Variants in APCDD1L observed in about 807,000 individuals in gnomAD.
APCDD1L encodes the protein APC down-regulated 1 like.
A neutral mutation model predicts 24.2 loss-of-function variants in APCDD1L; 21 were observed. The ratio of observed to expected loss-of-function variants is 0.87; its 90% CI spans 0.61 to 1.25. The LOEUF is 1.25. Ranked by LOEUF, APCDD1L falls within the 50% of genes most tolerant of loss-of-function variation. The pLI is 0.00. For synonymous variants in APCDD1L, 321 were observed against 323.6 expected (o/e 0.99, Z 0.09); for missense variants, 704 against 711.7 (o/e 0.99, Z 0.12).
intron 3 of APCDD1L, among the ~76,000 whole-genome samples, chr20:58,466,596 C>T (rs796834148): frequency 2.0e-5 from 3 of 152,374 alleles, no homozygotes; most frequent in African/African-American, 7.2e-5. Context: ...CGGCCTGACC[C>T]GTGCTAGGTG....
chr20:58,487,557 A>C (rs1415988060), intron 1 of APCDD1L, among the ~76,000 whole-genome samples: 1 of 152,242 alleles, frequency 6.6e-6, no homozygotes, highest in Non-Finnish European at 1.5e-5. Flanking sequence ...CGAAACCCCT[A>C]GCTATGTGTT....
At chr20:58,513,647 T>C (rs1990677025) in intron 1 of APCDD1L, among the ~76,000 whole-genome samples, 2 of 152,252 alleles carry the variant, frequency 1.3e-5, no homozygotes, top group African/African-American at 4.8e-5. Context: ...ACCCCGGGGT[T>C]CTCGGCTGCC....
rs565363391 is a variant in APCDD1L, at chr20:58,460,332, A to C, written c.*458T>G. ...TAATAATCTTTAAACAACAACCTAC[A>C]GACATGGCAGAACTGTAGGCCTCGT... On this transcript the variant is annotated 3_prime_UTR_variant, in exon 4 of 4. Transcript: ENST00000371149. The surrounding 1 kb of genome is among the most constrained non-coding windows in gnomAD (Gnocchi z 4.2). 2 of 157,638 alleles carry C rather than the reference A, an allele frequency of 1.3e-5. No homozygotes were observed. The highest frequency in any genetic ancestry group is 6.5e-5 in the Admixed American group (1 of 15,436). 9.8% of individuals were successfully genotyped at this position (157,638 alleles called of 1,614,324 possible).
intron 1 of APCDD1L, among the ~76,000 whole-genome samples, chr20:58,495,284 G>A (rs1303987896): frequency 6.6e-6 from 1 of 152,230 alleles, no homozygotes; most frequent in Non-Finnish European, 1.5e-5. Context: ...AGTTTTAAGA[G>A]TTTCAAGACG....
At chr20:58,489,400 A>G (rs931951850) in intron 1 of APCDD1L, among the ~76,000 whole-genome samples, 3 of 151,936 alleles carry the variant, frequency 2.0e-5, no homozygotes, top group African/African-American at 7.3e-5. Flanking sequence ...AAAAAAAATT[A>G]GGGTCAGGTG....
At chr20:58,473,599 TCCC>T (rs11086645) in intron 1 of APCDD1L, among the ~76,000 whole-genome samples, 2 of 151,372 alleles carry the variant, frequency 1.3e-5, no homozygotes, top group Non-Finnish European at 2.9e-5. Flanking sequence ...TTTCTTTGCT[TCCC>T]CCCCCACCCC....
intron 3 of APCDD1L, among the ~76,000 whole-genome samples, chr20:58,464,356 T>G (rs1019685016): frequency 2.6e-5 from 4 of 152,110 alleles, no homozygotes; most frequent in Admixed American, 6.5e-5. Flanking sequence ...AGCAGCAAAG[T>G]TTTAAGGTGA....
At chr20:58,493,971 A>G (rs532235750) in intron 1 of APCDD1L, among the ~76,000 whole-genome samples, 1 of 152,368 alleles carries the variant, frequency 6.6e-6, no homozygotes, top group African/African-American at 2.4e-5. Flanking sequence ...CAATTCACAC[A>G]TATTTTATAT....
chr20:58,468,103 T>A (rs113597701), intron 2 of APCDD1L, among the ~76,000 whole-genome samples: 1 of 152,076 alleles, frequency 6.6e-6, no homozygotes, highest in Non-Finnish European at 1.5e-5. Flanking sequence ...CCTGACCAGG[T>A]CTCATCCTTG....
At chr20:58,463,063 A>C (rs1989641503) in intron 3 of APCDD1L, among the ~76,000 whole-genome samples, 1 of 148,562 alleles carries the variant, frequency 6.7e-6, no homozygotes, top group Non-Finnish European at 1.5e-5. Flanking sequence ...AATTGCTTGA[A>C]TCAGGGAGGC....
chr20:58,507,312 G>T (rs2123193326), intron 1 of APCDD1L, among the ~76,000 whole-genome samples: 1 of 152,244 alleles, frequency 6.6e-6, no homozygotes, highest in Admixed American at 6.5e-5. Flanking sequence ...TCTTTCTTTT[G>T]AAAATAGCCC....
At chr20:58,488,801 A>T (rs1326902656) in intron 1 of APCDD1L, among the ~76,000 whole-genome samples, 1 of 152,200 alleles carries the variant, frequency 6.6e-6, no homozygotes, top group Non-Finnish European at 1.5e-5. Flanking sequence ...ATAACCGTCC[A>T]ATTTAAGAAG....
chr20:58,467,147 A>T lies in APCDD1L; in HGVS notation c.700T>A (p.Tyr234Asn). 1.2e-6 allele frequency: 2 copies of T among 1,608,236 alleles called. No individual in the cohort carries two copies. The highest frequency in any genetic ancestry group is 2.2e-5 in the South Asian group (2 of 91,032). Residue 234 changes from tyrosine to asparagine, a missense_variant, in exon 3 of 4, where the codon TAC becomes AAC. Coordinates refer to ENST00000371149, the MANE Select transcript of APCDD1L (RefSeq NM_153360.3). This position sits in a 1 kb window ranked among gnomAD's most constrained non-coding sequence, Gnocchi z 5.9. ...GGGCGCTGGTAGCCCGTGGGCCGGTAGTGCCGCCTCTCCGCCGGGTCGGTG... is the reference window on the plus strand; with the variant it reads ...GGGCGCTGGTAGCCCGTGGGCCGGTTGTGCCGCCTCTCCGCCGGGTCGGTG... ...IHTDPAERRH[Y>N]RPTGYQRPLQ...
intron 1 of APCDD1L, among the ~76,000 whole-genome samples, chr20:58,479,303 T>A (rs1486152658): frequency 6.6e-6 from 1 of 152,224 alleles, no homozygotes; most frequent in African/African-American, 2.4e-5. Flanking sequence ...TCTTCAGAAC[T>A]TGGTGTATAT....
chr20:58,485,067 C>A (rs2123161099), intron 1 of APCDD1L, among the ~76,000 whole-genome samples: 1 of 150,940 alleles, frequency 6.6e-6, no homozygotes, highest in South Asian at 2.1e-4. Context: ...ATGGAAAAGA[C>A]AAAATAGTAT....
intron 1 of APCDD1L, among the ~76,000 whole-genome samples, chr20:58,493,109 A>G (rs1990255482): frequency 6.6e-6 from 1 of 152,222 alleles, no homozygotes; most frequent in South Asian, 2.1e-4. Context: ...CACACAATGC[A>G]AGCATGCACA....
chr20:58,504,007 G>A (rs1412865134), intron 1 of APCDD1L, among the ~76,000 whole-genome samples: 1 of 152,216 alleles, frequency 6.6e-6, no homozygotes, highest in Non-Finnish European at 1.5e-5. Flanking sequence ...CACCTCAGGT[G>A]GAGATGAAGC....
chr20:58,483,533 G>A (rs1319482353), intron 1 of APCDD1L, among the ~76,000 whole-genome samples: 1 of 152,184 alleles, frequency 6.6e-6, no homozygotes, highest in East Asian at 1.9e-4. Context: ...TGAGGCTAAG[G>A]CACAGAGGGA....
rs1990291033 is a variant in APCDD1L, at chr20:58,494,849, AC to A, written c.49+19809del. On this transcript the variant is annotated intron_variant, in intron 1 of 3. Coordinates refer to ENST00000371149, the MANE Select transcript of APCDD1L (RefSeq NM_153360.3). The surrounding 1 kb of genome is among the most constrained non-coding windows in gnomAD (Gnocchi z 4.8). Reference sequence around the variant, plus strand: ...AGTCCCTTGGCCACACCCCACTTGTACCCACCCTGGGGCCTGTGCACTTGCC... The same window carrying A: ...AGTCCCTTGGCCACACCCCACTTGTACCACCCTGGGGCCTGTGCACTTGCC... 6.6e-6 allele frequency among the ~76,000 whole-genome samples: 1 copy of A among 151,988 alleles called. No individual in the cohort carries two copies. The highest frequency in any genetic ancestry group is 1.5e-5 in the Non-Finnish European group (1 of 68,010).
Sources: allele counts gnomAD v4.1 joint callset (sites outside exome capture counted in the v4.1 genomes callset), GRCh38; gene constraint gnomAD v4.1.1; non-coding constraint Gnocchi (gnomAD v3.1); transcripts MANE v1.5; gene names NCBI Gene and HGNC (gene_info 2026-07-23, HGNC 2026-07-21).